Variants in RANBP10 observed in about 807,000 individuals in gnomAD.
RANBP10 encodes ran-binding protein 10.
RANBP10 carries 24 observed loss-of-function variants against 72.8 expected under a neutral mutation model. That is an observed-to-expected ratio of 0.33 (90% confidence interval 0.24 to 0.46). The LOEUF is 0.46. RANBP10 is among the 20% of genes least tolerant of loss of function. The probability of loss-of-function intolerance (pLI) is 1.00; values close to 1 mark genes in which losing one functional copy is unlikely to be tolerated. For synonymous variants in RANBP10, 310 were observed against 322.3 expected, an observed-to-expected ratio of 0.96 and a Z score of 0.41; for missense variants, 679 against 817.5, an observed-to-expected ratio of 0.83 and a Z score of 2.07.
chr16:67,805,190 C>A (rs1345274427), intron 2 of RANBP10, among the ~76,000 whole-genome samples: 1 of 152,206 alleles, frequency 6.6e-6, no homozygotes, highest in African/African-American at 2.4e-5. Flanking sequence ...GCCTAACCTT[C>A]TAGGTATCAA....
chr16:67,804,076 G>C (rs994818026), intron 2 of RANBP10, among the ~76,000 whole-genome samples: 1 of 151,964 alleles, frequency 6.6e-6, no homozygotes, highest in Non-Finnish European at 1.5e-5. Flanking sequence ...CCCCAGCCTA[G>C]TCCCTTGGCC....
intron 12 of RANBP10, 110 bp from the exon 13 acceptor site, chr16:67,727,548 G>A: frequency 7.6e-7 from 1 of 1,320,636 alleles, no homozygotes; most frequent in Admixed American, 2.1e-5. Flanking sequence ...CCTGGAATGT[G>A]GGGTGTAGGG....
At position 67,737,192 on chromosome 16, in the gene RANBP10, CTTTTTTT is replaced by C. The variant is rs71145979; in HGVS notation, c.591+814_591+820del. 2.1e-4 allele frequency among the ~76,000 whole-genome samples: 16 copies of C among 75,964 alleles called. 1 individual carries two copies. Among genetic ancestry groups the C allele is most frequent in the East Asian group, 7.0e-4 (2 of 2,868 alleles). 49.8% of individuals were successfully genotyped at this position (75,964 alleles called of 152,430 possible). On this transcript the variant is annotated intron_variant, in intron 5 of 13. Transcript: ENST00000317506. ...AGCAAGCAGAAAACTCCATCCTTTTCTTTTTTTTTTTTTTTTTTTTTTTTTTGAGACG... is the reference window on the plus strand; with the variant it reads ...AGCAAGCAGAAAACTCCATCCTTTTCTTTTTTTTTTTTTTTTTTTGAGACG...
chr16:67,742,839 C>T (rs760982993), intron 4 of RANBP10, among the ~76,000 whole-genome samples: 16 of 152,188 alleles, frequency 1.1e-4, no homozygotes, highest in African/African-American at 1.7e-4. Context: ...CAAGAAATAG[C>T]GGAATCAGAG....
rs140783213 is a variant in RANBP10 at position 67,805,471 on chromosome 16, T to C, written c.304A>G (p.Ile102Val). ...ATHPIPAACG[I>V]YYFEVKIVSK... ...ACAATCTTCACTTCAAAGTAATAAA[T>C]GCCACAGGCAGCAGGTATGGGGTGG... is the stretch of plus-strand genomic sequence containing the variant. Residue 102 changes from isoleucine to valine, a missense_variant, in exon 2 of 14, where the codon ATT becomes GTT. Coordinates refer to ENST00000317506, the MANE Select transcript of RANBP10 (RefSeq NM_020850.3). 4.2e-5 allele frequency: 68 copies of C among 1,613,980 alleles called. No homozygotes were observed. In the Middle Eastern group the frequency reaches 8.2e-4, roughly 20 times the overall value.
chr16:67,729,770 A>G lies in RANBP10; in HGVS notation c.1057T>C (p.Ser353Pro). The G allele has an allele frequency of 3.7e-6, 6 of 1,613,970 alleles. No homozygotes were observed. The highest frequency in any genetic ancestry group is 4.2e-6 in the Non-Finnish European group (5 of 1,180,000). The change falls in exon 9 of 14, where the codon TCC (serine) becomes CCC (proline). Residue 353 changes from serine to proline, a missense_variant. By Grantham distance (74) the Ser-to-Pro change is moderately conservative. Coordinates refer to ENST00000317506, the MANE Select transcript of RANBP10 (RefSeq NM_020850.3). This position sits in a 1 kb window ranked among gnomAD's most constrained non-coding sequence, Gnocchi z 7.1. The part of the protein sequence containing the change: ...GTDSEVRSLS[S>P]RSPKSQDSYP... ...CTGTCCTGGGACTTGGGGCTTCGGG[A>G]GCTCAAACTTCGGACCTCACTGTCC...
chr16:67,744,016 C>T (rs1392497117), intron 4 of RANBP10: 21 of 908,972 alleles, frequency 2.3e-5, no homozygotes, highest in Non-Finnish European at 2.8e-5. Flanking sequence ...AAACCTTGCT[C>T]CAACAAGTGC....
rs889443438 is a variant in RANBP10, at chr16:67,732,911, G to A, written c.777-1327C>T. ...AAAAATACAAAAAAAAATTACGCCC[G>A]GGCGTAGTGGCGGGCACCTGTAGTC... On this transcript the variant is annotated intron_variant, in intron 6 of 13. Transcript: ENST00000317506. 4.6e-5 allele frequency among the ~76,000 whole-genome samples: 7 copies of A among 151,932 alleles called. No homozygotes were observed. The East Asian group carries it at 9.7e-4, about 21-fold the overall frequency.
At chr16:67,776,952 C>T (rs2054717503) in intron 2 of RANBP10, among the ~76,000 whole-genome samples, 1 of 152,036 alleles carries the variant, frequency 6.6e-6, no homozygotes, top group Non-Finnish European at 1.5e-5. Context: ...TGGCTCACGC[C>T]TGTAATCCTA....
intron 3 of RANBP10, 111 bp downstream of exon 3, chr16:67,771,923 G>A: frequency 7.9e-7 from 1 of 1,259,840 alleles, no homozygotes; most frequent in Non-Finnish European, 1.1e-6. Context: ...CATGGCTTGA[G>A]GTAGGCAGCT....
chr16:67,765,397 G>T (rs922729126), intron 3 of RANBP10, among the ~76,000 whole-genome samples: 11 of 151,220 alleles, frequency 7.3e-5, no homozygotes, highest in Non-Finnish European at 1.6e-4. Flanking sequence ...GTGGTGGTGC[G>T]TGCTTGTAAT....
At position 67,727,758 on chromosome 16, in the gene RANBP10, A is replaced by G. The variant is rs2053635506; in HGVS notation, c.1613T>C (p.Met538Thr). Residue 538 changes from methionine (M) to threonine (T), a missense_variant, in exon 12 of 14, where the codon ATG becomes ACG. Physicochemically the swap from Met to Thr is moderately conservative, Grantham distance 81 (BLOSUM62 -1). Coordinates refer to ENST00000317506, the MANE Select transcript of RANBP10 (RefSeq NM_020850.3). Reference protein sequence around the residue: ...EYGKNLAHTEMLQDAFSLLAY... With the variant: ...EYGKNLAHTETLQDAFSLLAY... ...GCCCGGCTCATCCTGTACCTGCAGC[A>G]TCTCTGTGTGGGCCAAATTCTTGCC... is the stretch of plus-strand genomic sequence containing the variant. 1 of 1,614,112 alleles carries G rather than the reference A, an allele frequency of 6.2e-7. No individual in the cohort carries two copies. Among genetic ancestry groups the G allele is most frequent in the Non-Finnish European group, 8.5e-7 (1 of 1,180,016 alleles).
chr16:67,806,358 T>C lies in RANBP10; in HGVS notation c.179A>G (p.Lys60Arg), dbSNP rs2055440487. ...ETPLPRSWSP[K>R]DKYNYIGLSQ... ...GAGACCAATGTAGTTGTATTTGTCC[T>C]TGGGGCTCCAGGAGCGCGGCAGCGG... Residue 60 changes from lysine (K) to arginine (R), a missense_variant, in exon 1 of 14, where the codon AAG becomes AGG. Lys to Arg is a conservative substitution (Grantham distance 26, BLOSUM62 2). Transcript: ENST00000317506. The C allele has an allele frequency of 6.2e-7, 1 of 1,613,424 alleles. No individual in the cohort carries two copies. The highest frequency in any genetic ancestry group is 1.7e-5 in the Admixed American group (1 of 59,908).
chr16:67,726,486 A>G lies in RANBP10; in HGVS notation c.1805T>C (p.Met602Thr). Residue 602 changes from methionine (M) to threonine (T), a missense_variant, in exon 14 of 14, where the codon ATG becomes ACG. Coordinates refer to ENST00000317506, the MANE Select transcript of RANBP10 (RefSeq NM_020850.3). ...LGQASECLRL[M>T]ARAGLGSCSF... ...GCAAGAACCCAGGCCTGCTCGGGCC[A>G]TGAGCCGGAGACACTCAGATGCCTG... The G allele has an allele frequency of 1.2e-6, 2 of 1,600,986 alleles. No individual in the cohort carries two copies. Among genetic ancestry groups the G allele is most frequent in the Non-Finnish European group, 1.7e-6 (2 of 1,173,728 alleles).
rs546360681 is a variant in RANBP10 at position 67,778,481 on chromosome 16, T to C, written c.348-6395A>G. ...AAAAGACATAGCAAGCTTCATGACATTGGATTTGGCAATAATTTCTTGGAC... is the reference window on the plus strand; with the variant it reads ...AAAAGACATAGCAAGCTTCATGACACTGGATTTGGCAATAATTTCTTGGAC... On this transcript the variant is annotated intron_variant, in intron 2 of 13. Transcript: ENST00000317506. Among the ~76,000 whole-genome samples the C allele has an allele frequency of 5.3e-5, 8 of 152,288 alleles. No individual in the cohort carries two copies. The South Asian group carries it at 1.0e-3, about 20-fold the overall frequency.
chr16:67,803,783 T>C lies in RANBP10; in HGVS notation c.347+1645A>G, dbSNP rs372971097. Among the ~76,000 whole-genome samples the C allele has an allele frequency of 2.8e-4, 42 of 149,212 alleles. No homozygotes were observed. The South Asian group carries it at 8.8e-3, about 31-fold the overall frequency. ...GCTGCAGTGAGCTGTGATTGTGATC[T>C]TGCCACTGCACTTCAGCGTGGGAGA... is the stretch of plus-strand genomic sequence containing the variant. On this transcript the variant is annotated intron_variant, in intron 2 of 13. Coordinates refer to ENST00000317506, the MANE Select transcript of RANBP10 (RefSeq NM_020850.3).
rs1370814845 is a variant in RANBP10 at position 67,727,382 on chromosome 16, C to G, written c.1677G>C (p.Gln559His). Residue 559 changes from glutamine (Q) to histidine (H), a missense_variant, in exon 13 of 14, where the codon CAG becomes CAC. Physicochemically the swap from Gln to His is conservative, Grantham distance 24. Transcript: ENST00000317506. ...SDPWSCPVGQQLDPIQREPVC... is the reference protein window; with the variant it reads ...SDPWSCPVGQHLDPIQREPVC... The stretch of plus-strand genomic sequence containing the variant: ...CAGGTTCCCTCTGGATGGGGTCAAG[C>G]TGCTGGCCAACTGGGCAGCTCCAGG... 6.2e-7 allele frequency: 1 copy of G among 1,613,828 alleles called. No homozygotes were observed. The highest frequency in any genetic ancestry group is 1.3e-5 in the African/African-American group (1 of 74,918).
At chr16:67,765,199 CAAAAAAAA>C (rs569942198) in intron 3 of RANBP10, among the ~76,000 whole-genome samples, 2 of 11,640 alleles carry the variant, frequency 1.7e-4, no homozygotes, top group Non-Finnish European at 2.2e-4. Flanking sequence ...GACTCCATCT[CAAAAAAAA>C]AAAAAAAAAA....
At chr16:67,757,397 G>A (rs1015065754) in intron 3 of RANBP10, among the ~76,000 whole-genome samples, 12 of 152,260 alleles carry the variant, frequency 7.9e-5, no homozygotes, top group Middle Eastern at 3.4e-3. Context: ...CCCTTGCAGC[G>A]CCAGGCAGGG....
Sources: allele counts gnomAD v4.1 joint callset (sites outside exome capture counted in the v4.1 genomes callset), GRCh38; gene constraint gnomAD v4.1.1; non-coding constraint Gnocchi (gnomAD v3.1); transcripts MANE v1.5; gene names NCBI Gene and HGNC (gene_info 2026-07-23, HGNC 2026-07-21).